Variants in MMP26 observed in about 807,000 individuals in gnomAD.
The protein encoded by MMP26 is matrix metalloproteinase-26.
A neutral mutation model predicts 31.0 loss-of-function variants in MMP26; 33 were observed. The observed-to-expected ratio is 1.06, with a 90% CI of 0.81 to 1.42. The LOEUF is 1.42. Ranked by LOEUF, MMP26 falls within the 40% of genes most tolerant of loss-of-function variation. The probability of loss-of-function intolerance (pLI) is 0.00; values close to 1 mark genes in which losing one functional copy is unlikely to be tolerated. For synonymous variants in MMP26, 122 were observed against 114.9 expected (o/e 1.06, Z -0.40); for missense variants, 347 against 316.1 (o/e 1.10, Z -0.74).
chr11:4,774,582 T>C (rs1210511472), intron 2 of MMP26, among the ~76,000 whole-genome samples: 1 of 149,820 alleles, frequency 6.7e-6, no homozygotes, highest in East Asian at 1.9e-4. Context: ...GTAGGTTGCC[T>C]GTTCACTCTG....
intron 2 of MMP26, among the ~76,000 whole-genome samples, chr11:4,777,570 A>G (rs1421024474): frequency 1.3e-5 from 2 of 152,142 alleles, no homozygotes; most frequent in East Asian, 3.8e-4. Context: ...CCAGATAAAG[A>G]AATGAAAAAT....
At chr11:4,731,095 C>T (rs771544053) in intron 1 of MMP26, among the ~76,000 whole-genome samples, 1 of 152,092 alleles carries the variant, frequency 6.6e-6, no homozygotes, top group South Asian at 2.1e-4. Context: ...CAGGCGTGCA[C>T]CACCACTCCA....
intron 1 of MMP26, among the ~76,000 whole-genome samples, chr11:4,738,813 A>C (rs1283975574): frequency 6.6e-6 from 1 of 152,190 alleles, no homozygotes; most frequent in Non-Finnish European, 1.5e-5. Flanking sequence ...TTAAGAAAAA[A>C]AAACCTCTAT....
In MMP26 at chr11:4,836,494, G is replaced by C. The variant is rs112272777; in HGVS notation, c.-145+69153G>C. Among the ~76,000 whole-genome samples the C allele has an allele frequency of 2.1e-3, 317 of 150,938 alleles. 1 individual carries two copies. The highest frequency in any genetic ancestry group is 7.3e-3 in the African/African-American group (302 of 41,248). Reference sequence around the variant, plus strand: ...TAGTATTTTATTTCAGTGAGAAAAAGAATGTATTTAACAGGTGATTCTGCC... The same window carrying C: ...TAGTATTTTATTTCAGTGAGAAAAACAATGTATTTAACAGGTGATTCTGCC... On this transcript the variant is annotated intron_variant, in intron 2 of 7. Transcript: ENST00000380390.
chr11:4,860,551 T>C lies in MMP26; in HGVS notation c.-145+93210T>C, dbSNP rs1316264280. The C allele has an allele frequency of 8.6e-6, 4 of 464,936 alleles. No homozygotes were observed. In the Admixed American group the frequency reaches 9.5e-5, roughly 11 times the overall value. The allele number at this position is 464,936 out of a possible 1,614,324, so 28.8% of individuals were successfully genotyped here. ...GTTACGGTGGTTGGCCTGTGATGCATTCAAGTTCGTCATGTTGTTCTCACC... is the reference window on the plus strand; with the variant it reads ...GTTACGGTGGTTGGCCTGTGATGCACTCAAGTTCGTCATGTTGTTCTCACC... On this transcript the variant is annotated intron_variant, in intron 2 of 7. Coordinates refer to ENST00000380390, the MANE Select transcript of MMP26 (RefSeq NM_021801.5).
intron 2 of MMP26, chr11:4,794,170 C>A (rs1425585726): frequency 6.6e-6 from 1 of 152,142 alleles, no homozygotes; most frequent in Admixed American, 6.6e-5. Flanking sequence ...ACCACTTGCT[C>A]ATAGTAGGTC....
At chr11:4,893,096 T>C (rs1202749292) in intron 2 of MMP26, among the ~76,000 whole-genome samples, 1 of 152,090 alleles carries the variant, frequency 6.6e-6, no homozygotes, top group African/African-American at 2.4e-5. Flanking sequence ...CAAAGTCATG[T>C]TTAATGCCCT....
At chr11:4,981,716 A>C in intron 2 of MMP26, among the ~76,000 whole-genome samples, 1 of 152,104 alleles carries the variant, frequency 6.6e-6, no homozygotes, top group Non-Finnish European at 1.5e-5. Context: ...AAACTTTTGA[A>C]TCTTTTGTAA....
At chr11:4,752,417 G>C (rs1313438238) in intron 1 of MMP26, 1 of 151,690 alleles carries the variant, frequency 6.6e-6, no homozygotes. Context: ...CTGAACATGA[G>C]AGTTTCATCA....
intron 2 of MMP26, among the ~76,000 whole-genome samples, chr11:4,934,642 T>C (rs1159096739): frequency 1.5e-4 from 21 of 143,718 alleles, no homozygotes; most frequent in Non-Finnish European, 2.0e-4. Flanking sequence ...GGACATGAAG[T>C]CCTTGCCCAT....
intron 2 of MMP26, among the ~76,000 whole-genome samples, chr11:4,957,260 G>T (rs889244897): frequency 6.6e-6 from 1 of 152,090 alleles, no homozygotes; most frequent in African/African-American, 2.4e-5. Flanking sequence ...CAATTTTTTT[G>T]AAGAAAATGT....
chr11:4,736,140 C>T (rs1848237023), intron 1 of MMP26: 1 of 152,030 alleles, frequency 6.6e-6, no homozygotes, highest in South Asian at 2.1e-4. Context: ...GATTTTATTT[C>T]AGAAGTATTA....
At chr11:4,848,685 G>C in intron 2 of MMP26, 1 of 1,614,032 alleles carries the variant, frequency 6.2e-7, no homozygotes, top group Non-Finnish European at 8.5e-7. Flanking sequence ...GAGGCAGTAG[G>C]GCATGTAGGC....
chr11:4,788,031 C>G (rs559351956), intron 2 of MMP26, among the ~76,000 whole-genome samples: 1 of 152,084 alleles, frequency 6.6e-6, no homozygotes, highest in African/African-American at 2.4e-5. Flanking sequence ...CCATGCTCTT[C>G]CTGGATATCA....
intron 2 of MMP26, among the ~76,000 whole-genome samples, chr11:4,870,787 T>TA: frequency 6.6e-6 from 1 of 152,134 alleles, no homozygotes; most frequent in Non-Finnish European, 1.5e-5. Flanking sequence ...TTCAGTTTCC[T>TA]ATTTGTATTA....
intron 1 of MMP26, among the ~76,000 whole-genome samples, chr11:4,716,291 A>C (rs1192513795): frequency 1.3e-5 from 2 of 152,196 alleles, no homozygotes; most frequent in Admixed American, 1.3e-4. Flanking sequence ...GCCTTACTGA[A>C]CTGTGAGGTA....
intron 2 of MMP26, among the ~76,000 whole-genome samples, chr11:4,920,168 CT>C (rs1448719012): frequency 6.6e-6 from 1 of 152,064 alleles, no homozygotes; most frequent in Admixed American, 6.6e-5. Flanking sequence ...TTTATGGGAC[CT>C]TTTTATAAGT....
intron 2 of MMP26, among the ~76,000 whole-genome samples, chr11:4,775,772 A>AAG (rs58462157): frequency 2.1e-5 from 3 of 144,146 alleles, no homozygotes; most frequent in South Asian, 2.2e-4. Flanking sequence ...GAGAGAGAGA[A>AAG]AGAGAGAGAG....
chr11:4,769,406 C>A (rs1234221743), intron 2 of MMP26: 1 of 1,613,932 alleles, frequency 6.2e-7, no homozygotes, highest in Non-Finnish European at 8.5e-7. Flanking sequence ...ATTCATTCTA[C>A]AGAAATAGAG....
Sources: allele counts gnomAD v4.1 joint callset (sites outside exome capture counted in the v4.1 genomes callset), GRCh38; gene constraint gnomAD v4.1.1; transcripts MANE v1.5; gene names NCBI Gene and HGNC (gene_info 2026-07-23, HGNC 2026-07-21).